GRID1: variants seen among roughly 807,000 people sequenced by gnomAD.
GRID1 encodes glutamate ionotropic receptor delta type subunit 1.
GRID1 carries 28 observed loss-of-function variants against 98.0 expected under a neutral mutation model. The observed-to-expected ratio is 0.29, with a 90% CI of 0.21 to 0.39. The LOEUF (loss-of-function observed/expected upper bound fraction) is 0.39, where lower values mean the gene tolerates loss of function less well. Ranked by LOEUF, GRID1 falls within the 10% of genes least tolerant of loss-of-function variation. The pLI is 1.00. For synonymous variants in GRID1, 553 were observed against 538.5 expected, an observed-to-expected ratio of 1.03 and a Z score of -0.37; for missense variants, 1,111 against 1,340.5, an observed-to-expected ratio of 0.83 and a Z score of 2.67.
intron 4 of GRID1, among the ~76,000 whole-genome samples, chr10:86,030,207 TAAGA>T (rs1843167968): frequency 6.6e-6 from 1 of 152,244 alleles, no homozygotes; most frequent in South Asian, 2.1e-4. Flanking sequence ...AGATTTTATA[TAAGA>T]AAGGATCTTG....
chr10:85,687,519 C>T (rs1002203837), intron 12 of GRID1, among the ~76,000 whole-genome samples: 9 of 152,010 alleles, frequency 5.9e-5, no homozygotes, highest in African/African-American at 2.2e-4. Context: ...CATCACAGCA[C>T]TTTGGGAGGC....
At chr10:85,996,770 A>G (rs1315009416) in intron 4 of GRID1, among the ~76,000 whole-genome samples, 1 of 151,012 alleles carries the variant, frequency 6.6e-6, no homozygotes. Flanking sequence ...TAGAGGTTGC[A>G]GTGAGCTGAG....
chr10:85,803,593 G>C (rs529339893), intron 8 of GRID1, among the ~76,000 whole-genome samples: 2 of 150,984 alleles, frequency 1.3e-5, no homozygotes, highest in Admixed American at 6.6e-5. Context: ...AATAACAAAA[G>C]CATTTTCAAA....
intron 3 of GRID1, among the ~76,000 whole-genome samples, chr10:86,153,990 C>T (rs1845207686): frequency 6.6e-6 from 1 of 152,196 alleles, no homozygotes; most frequent in Non-Finnish European, 1.5e-5. Flanking sequence ...CCAGGCCTGG[C>T]ACAAGCATGG....
intron 8 of GRID1, among the ~76,000 whole-genome samples, chr10:85,800,918 G>C (rs1842569880): frequency 6.6e-6 from 1 of 151,940 alleles, no homozygotes; most frequent in South Asian, 2.1e-4. Context: ...TGGCTACAGA[G>C]TTTGAGCTGT....
At chr10:85,634,162 C>G (rs1310115980) in intron 13 of GRID1, among the ~76,000 whole-genome samples, 2 of 148,540 alleles carry the variant, frequency 1.3e-5, no homozygotes, top group Non-Finnish European at 3.0e-5. Flanking sequence ...AAGAGCGAAA[C>G]TCCATCTGAA....
In GRID1 at chr10:86,094,386, C is replaced by A. The variant is rs539462572; in HGVS notation, c.726+44433G>T. ...AGAAAGAAATAAAGGGCATCCAAATCGGTCAAGAGGAAGTCAAACTGTCAC... is the reference window on the plus strand; with the variant it reads ...AGAAAGAAATAAAGGGCATCCAAATAGGTCAAGAGGAAGTCAAACTGTCAC... On this transcript the variant is annotated intron_variant, in intron 4 of 15. Transcript: ENST00000327946. Among the ~76,000 whole-genome samples the A allele has an allele frequency of 3.7e-4, 57 of 152,232 alleles. 1 individual carries two copies. Among genetic ancestry groups the A allele is most frequent in the African/African-American group, 1.1e-3 (47 of 41,566 alleles).
Position 86,365,123 on chromosome 10 carries a change from C to T in GRID1, c.80-1027G>A, listed in dbSNP as rs2132125871. 6.6e-6 allele frequency among the ~76,000 whole-genome samples: 1 copy of T among 152,176 alleles called. No individual in the cohort carries two copies. Among genetic ancestry groups the T allele is most frequent in the Middle Eastern group, 3.4e-3 (1 of 294 alleles). ...TTCCTCACTACACCCGGAGCCGGCG[C>T]CGCAATGCTGACCGCGAGACCCGCA... On this transcript the variant is annotated intron_variant, in intron 1 of 15. Transcript: ENST00000327946. This position sits in a 1 kb window ranked among gnomAD's most constrained non-coding sequence, Gnocchi z 4.8.
chr10:85,725,083 T>A (rs1372437262), intron 10 of GRID1, among the ~76,000 whole-genome samples: 1 of 151,766 alleles, frequency 6.6e-6, no homozygotes, highest in East Asian at 1.9e-4. Flanking sequence ...CCTCCCTACA[T>A]GTTAAGACCA....
rs578119051 is a variant in GRID1, at chr10:86,218,174, G to A, written c.236-11526C>T. Among the ~76,000 whole-genome samples, 34 of 152,110 alleles carry A rather than the reference G, an allele frequency of 2.2e-4. 1 individual carries two copies. The highest frequency in any genetic ancestry group is 4.1e-4 in the Non-Finnish European group (28 of 67,990). ...TGGTCCTGTGTGTGTGTGCTTGTGC[G>A]CGTGTGTGTGTGAGTTCATGCACGC... On this transcript the variant is annotated intron_variant, in intron 2 of 15. Transcript: ENST00000327946.
chr10:85,934,323 C>T (rs911109791), intron 4 of GRID1, among the ~76,000 whole-genome samples: 9 of 151,310 alleles, frequency 5.9e-5, no homozygotes, highest in South Asian at 2.1e-4. Context: ...TCAAAAATAA[C>T]GTAAGTATAA....
intron 2 of GRID1, among the ~76,000 whole-genome samples, chr10:86,351,349 A>T (rs10749536): frequency 6.6e-6 from 1 of 152,222 alleles, no homozygotes; most frequent in African/African-American, 2.4e-5. Flanking sequence ...TGCAGCACAC[A>T]TAGGAGCTGG....
At chr10:86,339,944 T>TCCATCTCATCTCCGGAG (rs1350290165) in intron 2 of GRID1, among the ~76,000 whole-genome samples, 2 of 151,686 alleles carry the variant, frequency 1.3e-5, no homozygotes, top group Non-Finnish European at 2.9e-5. Context: ...AGATGAGAAC[T>TCCATCTCATCTCCGGAG]ACGGAGAAAG....
intron 13 of GRID1, among the ~76,000 whole-genome samples, chr10:85,632,048 G>A (rs11201702): frequency 0.34 from 52,191 of 151,766 alleles, 9,104 homozygotes; most frequent in Middle Eastern, 0.5. Context: ...TGTCCTGTTT[G>A]CTCCCCTAGC....
At chr10:86,139,546 C>A (rs1844981822) in intron 3 of GRID1, among the ~76,000 whole-genome samples, 2 of 152,286 alleles carry the variant, frequency 1.3e-5, no homozygotes, top group South Asian at 4.1e-4. Context: ...TATCATGGCA[C>A]CCCAGCCTGC....
intron 8 of GRID1, among the ~76,000 whole-genome samples, chr10:85,814,064 A>G (rs941005391): frequency 3.3e-5 from 5 of 151,914 alleles, no homozygotes; most frequent in Non-Finnish European, 7.4e-5. Flanking sequence ...CAAAAAATTA[A>G]TAAGAAAATT....
intron 5 of GRID1, among the ~76,000 whole-genome samples, chr10:85,894,837 G>A (rs1465934025): frequency 6.6e-6 from 1 of 151,284 alleles, no homozygotes; most frequent in Non-Finnish European, 1.5e-5. Context: ...GTGAAACCCC[G>A]TCTCTACTAA....
In GRID1 at chr10:85,729,528, T is replaced by C. The variant is rs758657196; in HGVS notation, c.1320A>G (p.Lys440=). ...MGSRLQGLTL[K]VVTVLEEPFV... ...ATGATCCTACCAAGACAGTCACCAC[T>C]TTAAGAGTCAATCCTTGGAGGCGGC... Residue 440 remains lysine (K), a synonymous_variant, in exon 9 of 16, where the codon AAA becomes AAG. Transcript: ENST00000327946. The C allele has an allele frequency of 6.2e-7, 1 of 1,606,892 alleles. No individual in the cohort carries two copies. Among genetic ancestry groups the C allele is most frequent in the East Asian group, 2.2e-5 (1 of 44,830 alleles).
intron 9 of GRID1, among the ~76,000 whole-genome samples, chr10:85,728,503 T>C (rs1841787696): frequency 6.6e-6 from 1 of 152,164 alleles, no homozygotes. Flanking sequence ...AAGCATTATA[T>C]CTACAGGCTA....
Sources: allele counts gnomAD v4.1 joint callset (sites outside exome capture counted in the v4.1 genomes callset), GRCh38; gene constraint gnomAD v4.1.1; non-coding constraint Gnocchi (gnomAD v3.1); transcripts MANE v1.5; gene names NCBI Gene and HGNC (gene_info 2026-07-23, HGNC 2026-07-21).